FGF14: variants seen among roughly 807,000 people sequenced by gnomAD.
FGF14 encodes the protein fibroblast growth factor 14.
A neutral mutation model predicts 25.5 loss-of-function variants in FGF14; 5 were observed. The observed-to-expected ratio is 0.20, with a 90% confidence interval of 0.10 to 0.41. The LOEUF (loss-of-function observed/expected upper bound fraction) is 0.41, where lower values mean the gene tolerates loss of function less well. Ranked by LOEUF, FGF14 falls within the 10% of genes least tolerant of loss-of-function variation. The pLI is 1.00. For synonymous variants in FGF14, 138 were observed against 118.3 expected (o/e 1.17, Z -1.08); for missense variants, 222 against 320.1 (o/e 0.69, Z 2.34).
At chr13:102,347,239 G>C (rs1369450266) in intron 1 of FGF14, among the ~76,000 whole-genome samples, 2 of 152,166 alleles carry the variant, frequency 1.3e-5, no homozygotes, top group Non-Finnish European at 2.9e-5. Flanking sequence ...CCCTATGCTC[G>C]ACATCAGGGA....
intron 1 of FGF14, among the ~76,000 whole-genome samples, chr13:101,964,560 T>C (rs528181724): frequency 3.9e-4 from 60 of 152,160 alleles, no homozygotes; most frequent in African/African-American, 1.3e-3. Context: ...AACAAAGAAA[T>C]ATGATGATAT....
In FGF14 at chr13:101,773,344, T is replaced by A. The variant is rs370483201; in HGVS notation, c.409-46534A>T. On this transcript the variant is annotated intron_variant, in intron 3 of 4. Transcript: ENST00000376143. ...TATCTGCCCAAGGTCACTTAGCTAATAGGAAATCTAATCTGCGACTAATGA... is the reference window on the plus strand; with the variant it reads ...TATCTGCCCAAGGTCACTTAGCTAAAAGGAAATCTAATCTGCGACTAATGA... 1.4e-4 allele frequency among the ~76,000 whole-genome samples: 21 copies of A among 152,234 alleles called. No homozygotes were observed. The East Asian group carries it at 4.1e-3, about 29-fold the overall frequency.
chr13:102,173,306 G>C (rs759064059), intron 1 of FGF14, among the ~76,000 whole-genome samples: 10 of 152,016 alleles, frequency 6.6e-5, no homozygotes, highest in Non-Finnish European at 1.3e-4. Context: ...CTGTTAAGAT[G>C]ACTGTCATAA....
chr13:101,953,581 T>TATATATAC (rs1474604305), intron 1 of FGF14, among the ~76,000 whole-genome samples: 17 of 149,880 alleles, frequency 1.1e-4, no homozygotes, highest in South Asian at 2.1e-4. Flanking sequence ...TATATATATA[T>TATATATAC]ATATATAATT....
At chr13:101,754,471 G>A (rs2139860868) in intron 3 of FGF14, among the ~76,000 whole-genome samples, 1 of 152,256 alleles carries the variant, frequency 6.6e-6, no homozygotes, top group African/African-American at 2.4e-5. Context: ...GCTCACACCT[G>A]TAATCCCAGC....
At chr13:101,952,211 G>A (rs1349029946) in intron 1 of FGF14, among the ~76,000 whole-genome samples, 2 of 152,022 alleles carry the variant, frequency 1.3e-5, no homozygotes, top group African/African-American at 4.8e-5. Flanking sequence ...CTACAATCTT[G>A]CAAGAGTACA....
intron 1 of FGF14, among the ~76,000 whole-genome samples, chr13:102,233,285 C>T (rs2051167879): frequency 6.6e-6 from 1 of 152,054 alleles, no homozygotes; most frequent in Non-Finnish European, 1.5e-5. Flanking sequence ...TAGGCGCCCA[C>T]CACACCCGGC....
At position 102,083,695 on chromosome 13, in the gene FGF14, G is replaced by A. The variant is rs539731909; in HGVS notation, c.209-208399C>T. The stretch of plus-strand genomic sequence containing the variant: ...CATGTATCGATTTATGATTTTACCT[G>A]CATTTGCAATCTCCCTAGAATGTAT... On this transcript the variant is annotated intron_variant, in intron 1 of 4. Transcript: ENST00000376131. Among the ~76,000 whole-genome samples the A allele has an allele frequency of 2.6e-5, 4 of 152,294 alleles. No individual in the cohort carries two copies. The East Asian group carries it at 7.7e-4, about 29-fold the overall frequency.
At chr13:102,167,988 CT>C in intron 1 of FGF14, among the ~76,000 whole-genome samples, 1 of 152,134 alleles carries the variant, frequency 6.6e-6, no homozygotes, top group Non-Finnish European at 1.5e-5. Flanking sequence ...TATGTCATGG[CT>C]TTTTATGTAG....
chr13:102,061,097 C>T (rs1307434071), intron 1 of FGF14, among the ~76,000 whole-genome samples: 5 of 152,220 alleles, frequency 3.3e-5, no homozygotes, highest in Non-Finnish European at 7.3e-5. Flanking sequence ...GCTCCACATC[C>T]ATCGGCTGAG....
At chr13:102,090,183 C>T (rs1300453905) in intron 1 of FGF14, among the ~76,000 whole-genome samples, 3 of 152,166 alleles carry the variant, frequency 2.0e-5, no homozygotes, top group African/African-American at 7.2e-5. Flanking sequence ...ATATATACAA[C>T]GTATATTTAC....
intron 1 of FGF14, among the ~76,000 whole-genome samples, chr13:102,247,342 G>A (rs1307646745): frequency 6.6e-6 from 1 of 151,662 alleles, no homozygotes; most frequent in Non-Finnish European, 1.5e-5. Context: ...TGCATCTGAG[G>A]TCTAATATCC....
intron 1 of FGF14, among the ~76,000 whole-genome samples, chr13:101,940,637 C>G (rs151229495): frequency 1.8e-3 from 280 of 152,300 alleles, no homozygotes; most frequent in African/African-American, 6.5e-3. Flanking sequence ...AACTGACAAT[C>G]CACAGTAACC....
chr13:101,771,232 A>T (rs1288418004), intron 3 of FGF14, among the ~76,000 whole-genome samples: 1 of 152,102 alleles, frequency 6.6e-6, no homozygotes, highest in Non-Finnish European at 1.5e-5. Flanking sequence ...TTTCATTAGC[A>T]GTGTGGTAGC....
intron 1 of FGF14, among the ~76,000 whole-genome samples, chr13:101,901,601 G>A (rs917506329): frequency 6.6e-6 from 1 of 152,240 alleles, no homozygotes; most frequent in Non-Finnish European, 1.5e-5. Context: ...CTGCACAGGA[G>A]GCTGAGGTGG....
intron 1 of FGF14, among the ~76,000 whole-genome samples, chr13:102,124,460 C>T (rs1282646798): frequency 6.6e-6 from 1 of 151,946 alleles, no homozygotes; most frequent in Non-Finnish European, 1.5e-5. Context: ...GAATATGCAG[C>T]TATTAAAAAT....
intron 1 of FGF14, among the ~76,000 whole-genome samples, chr13:102,276,580 A>G (rs985656819): frequency 3.3e-5 from 5 of 151,942 alleles, no homozygotes; most frequent in African/African-American, 1.2e-4. Flanking sequence ...TTTCCTTTTA[A>G]GAAGTTTGAA....
intron 1 of FGF14, among the ~76,000 whole-genome samples, chr13:102,182,748 T>C (rs762370163): frequency 1.1e-4 from 17 of 152,170 alleles, no homozygotes; most frequent in Admixed American, 2.0e-4. Context: ...GGCTCTTCCA[T>C]TTAGAAATAC....
At chr13:101,739,122 T>C (rs1163927370) in intron 3 of FGF14, among the ~76,000 whole-genome samples, 1 of 147,438 alleles carries the variant, frequency 6.8e-6, no homozygotes, top group Non-Finnish European at 1.5e-5. Context: ...TATATATATA[T>C]ATATATATAC....
Sources: gnomAD v4.1 joint callset for allele counts (sites outside exome capture counted in the v4.1 genomes callset) on GRCh38, gnomAD v4.1.1 for gene constraint, MANE v1.5 for transcripts, NCBI Gene and HGNC (gene_info 2026-07-23, HGNC 2026-07-21) for gene names.